The following PCDHGA2 variants were observed in gnomAD, a reference collection of about 807,000 sequenced individuals.
The protein encoded by PCDHGA2 is protocadherin gamma subfamily A, 2.
A neutral mutation model predicts 59.2 loss-of-function variants in PCDHGA2; 40 were observed. The observed-to-expected ratio is 0.68, with a 90% CI of 0.52 to 0.88. The LOEUF (loss-of-function observed/expected upper bound fraction) is 0.88. Ranked by LOEUF, PCDHGA2 falls within the 40% of genes least tolerant of loss-of-function variation. PCDHGA2 has a pLI of 0.00. For missense variants in PCDHGA2, 1,226 were observed against 1,204.0 expected (o/e 1.02, Z -0.27); for synonymous variants, 560 against 526.0 (o/e 1.06, Z -0.89).
chr5:141,397,835 T>G (rs1483046343), intron 1 of PCDHGA2, among the ~76,000 whole-genome samples: 1 of 152,238 alleles, frequency 6.6e-6, no homozygotes, highest in Admixed American at 6.5e-5. Context: ...CTGGTTAACT[T>G]GAAGCCGCAG....
chr5:141,399,597 C>T, intron 1 of PCDHGA2: 1 of 1,613,958 alleles, frequency 6.2e-7, no homozygotes, highest in Non-Finnish European at 8.5e-7. Flanking sequence ...TCATGGCCAG[C>T]GACCTAGAGC....
At chr5:141,421,616 AC>A in intron 1 of PCDHGA2, 1 of 1,613,792 alleles carries the variant, frequency 6.2e-7, no homozygotes, top group Non-Finnish European at 8.5e-7. Context: ...ATTAATGATA[AC>A]GCCCCCAGCT....
chr5:141,400,376 T>C (rs534277122), intron 1 of PCDHGA2: 1 of 1,614,070 alleles, frequency 6.2e-7, no homozygotes, highest in East Asian at 2.2e-5. Flanking sequence ...TCCTACAACC[T>C]ATGTGTTGCA....
intron 1 of PCDHGA2, chr5:141,388,215 G>A (rs2091280920): frequency 6.3e-7 from 1 of 1,597,062 alleles, no homozygotes. Flanking sequence ...GGCTGTTGCT[G>A]AAAATCCACT....
At chr5:141,494,972 C>T (rs1005793988) in intron 2 of PCDHGA2, 107 bp downstream of exon 2, 69 of 1,581,734 alleles carry the variant, frequency 4.4e-5, no homozygotes, top group Non-Finnish European at 5.9e-5. Context: ...TGGCTTCTCC[C>T]TCAGTTTGAG....
chr5:141,383,761 C>G (rs923900490), intron 1 of PCDHGA2: 15 of 1,613,834 alleles, frequency 9.3e-6, no homozygotes, highest in Non-Finnish European at 1.1e-5. Flanking sequence ...AACTCCTAAA[C>G]TTCCAAAGAT....
At position 141,493,188 on chromosome 5, in the gene PCDHGA2, C is replaced by T. The variant is rs1292810486; in HGVS notation, c.2425-1619C>T. Among the ~76,000 whole-genome samples the T allele has an allele frequency of 2.6e-5, 4 of 152,216 alleles. No individual in the cohort carries two copies. Among genetic ancestry groups the T allele is most frequent in the Non-Finnish European group, 4.4e-5 (3 of 68,046 alleles). ...ATTGAGAGAAACTTACTATATAACT[C>T]CTTTGAGAACCTCATCTCATTTGCT... On this transcript the variant is annotated intron_variant, in intron 1 of 3. Coordinates refer to ENST00000394576, the MANE Select transcript of PCDHGA2 (RefSeq NM_018915.4). The surrounding 1 kb of genome is among the most constrained non-coding windows in gnomAD (Gnocchi z 4.3).
rs1424346887 is a variant in PCDHGA2, at chr5:141,489,602, T to C, written c.2425-5205T>C. ...CCCCTGGAGCTAATCCGTGTAGAGG[T>C]AGAGATCCTGGATCTCAATGACAAC... On this transcript the variant is annotated intron_variant, in intron 1 of 3. Coordinates refer to ENST00000394576, the MANE Select transcript of PCDHGA2 (RefSeq NM_018915.4). The surrounding 1 kb of genome is among the most constrained non-coding windows in gnomAD (Gnocchi z 4.5). The C allele has an allele frequency of 5.6e-6, 9 of 1,613,754 alleles. No homozygotes were observed. In the African/African-American group the frequency reaches 6.7e-5, roughly 12 times the overall value.
rs766050828 is a variant in PCDHGA2, at chr5:141,394,215, G to A, written c.2424+52820G>A. The A allele has an allele frequency of 1.9e-6, 3 of 1,613,902 alleles. No individual in the cohort carries two copies. The South Asian group carries it at 3.3e-5, about 18-fold the overall frequency. ...GTATATCCTAGAGAACAACCTGAGA[G>A]GAGCCTCCATCTTTTCCTTGACTGC... is the stretch of plus-strand genomic sequence containing the variant. On this transcript the variant is annotated intron_variant, in intron 1 of 3. Transcript: ENST00000394576.
intron 1 of PCDHGA2, chr5:141,428,211 C>A: frequency 7.8e-7 from 1 of 1,284,316 alleles, no homozygotes; most frequent in Non-Finnish European, 1.1e-6. Context: ...CTACGCTTCA[C>A]CTAGTCTTCG....
intron 1 of PCDHGA2, chr5:141,391,631 G>C (rs913626630): frequency 6.6e-6 from 1 of 152,170 alleles, no homozygotes; most frequent in African/African-American, 2.4e-5. Flanking sequence ...GAAAGTTTTA[G>C]TCAGTGAAAA....
chr5:141,372,278 G>C (rs756938433), intron 1 of PCDHGA2: 2 of 1,613,032 alleles, frequency 1.2e-6, no homozygotes, highest in Admixed American at 1.7e-5. Flanking sequence ...AGGTGCGCAC[G>C]GCGCGTACCT....
chr5:141,421,163 G>C, intron 1 of PCDHGA2: 2 of 1,276,926 alleles, frequency 1.6e-6, no homozygotes, highest in Non-Finnish European at 2.1e-6. Flanking sequence ...GGACTTCATA[G>C]ATACATAAGC....
chr5:141,434,073 A>G (rs1372471160), intron 1 of PCDHGA2, among the ~76,000 whole-genome samples: 2 of 152,058 alleles, frequency 1.3e-5, no homozygotes, highest in African/African-American at 4.8e-5. Flanking sequence ...GTTAATATCA[A>G]TTATTTATTT....
chr5:141,413,994 G>A, intron 1 of PCDHGA2: 1 of 1,613,422 alleles, frequency 6.2e-7, no homozygotes, highest in Non-Finnish European at 8.5e-7. Context: ...CCACCGACAG[G>A]GACGAAGGTG....
Position 141,340,132 on chromosome 5 carries a change from C to G in PCDHGA2, c.1161C>G (p.Pro387=). ...GQNAFTTCSL[P]EDLPFKLEKS... ...ACGCATTCACCACCTGTTCACTCCC[C>G]GAGGATCTTCCTTTTAAGTTAGAAA... Residue 387 remains proline, a synonymous_variant, in exon 1 of 4, where the codon CCC becomes CCG. Transcript: ENST00000394576. 1 of 1,614,150 alleles carries G rather than the reference C, an allele frequency of 6.2e-7. No homozygotes were observed. Among genetic ancestry groups the G allele is most frequent in the Non-Finnish European group, 8.5e-7 (1 of 1,180,006 alleles).
chr5:141,370,699 G>T, intron 1 of PCDHGA2: 3 of 1,613,804 alleles, frequency 1.9e-6, no homozygotes, highest in Non-Finnish European at 2.5e-6. Context: ...AAGTCGACGT[G>T]TGTTCTGGAA....
At chr5:141,509,169 T>C (rs1321257504) in intron 3 of PCDHGA2, among the ~76,000 whole-genome samples, 2 of 152,174 alleles carry the variant, frequency 1.3e-5, no homozygotes, top group African/African-American at 4.8e-5. Context: ...TGTGCCCTCC[T>C]CCTCTTATGC....
intron 1 of PCDHGA2, chr5:141,374,774 A>G: frequency 6.2e-7 from 1 of 1,613,822 alleles, no homozygotes; most frequent in Non-Finnish European, 8.5e-7. Context: ...AATTCTGGTA[A>G]CAGTTCTAGA....
Sources: allele counts gnomAD v4.1 joint callset (sites outside exome capture counted in the v4.1 genomes callset), GRCh38; gene constraint gnomAD v4.1.1; non-coding constraint Gnocchi (gnomAD v3.1); transcripts MANE v1.5; gene names NCBI Gene and HGNC (gene_info 2026-07-23, HGNC 2026-07-21).